Variants in CENPP observed in about 807,000 individuals in gnomAD.
CENPP encodes the protein centromere protein P.
In CENPP, 24 loss-of-function variants were observed where a neutral mutation model predicts 35.6. The observed-to-expected ratio is 0.67, with a 90% CI of 0.49 to 0.95. CENPP has a LOEUF of 0.95. Ranked by LOEUF, CENPP falls within the 40% of genes least tolerant of loss-of-function variation. CENPP has a pLI of 0.00. For synonymous variants in CENPP, 120 were observed against 125.5 expected, an observed-to-expected ratio of 0.96 and a Z score of 0.29; for missense variants, 332 against 345.3, an observed-to-expected ratio of 0.96 and a Z score of 0.31.
intron 5 of CENPP, among the ~76,000 whole-genome samples, chr9:92,540,369 C>G (rs1042125631): frequency 1.4e-5 from 2 of 146,976 alleles, no homozygotes; most frequent in African/African-American, 5.1e-5. Flanking sequence ...ACCCAGGCGG[C>G]AAAGGTCGCA....
intron 5 of CENPP, among the ~76,000 whole-genome samples, chr9:92,400,131 G>A (rs1843048244): frequency 6.6e-6 from 1 of 151,992 alleles, no homozygotes; most frequent in East Asian, 1.9e-4. Context: ...AAGAACAAGG[G>A]ATGTCTTTTG....
rs186553709 is a variant in CENPP, at chr9:92,354,880, C to T, written c.467+9093C>T. Among the ~76,000 whole-genome samples, 292 of 152,098 alleles carry T rather than the reference C, an allele frequency of 1.9e-3. 2 individuals carry two copies. The highest frequency in any genetic ancestry group is 6.8e-3 in the Middle Eastern group (2 of 294). ...GGGTGACGTCACATATCAGTAGGACCGTGATGCCTGCCTGAGTCTCAGACC... is the reference window on the plus strand; with the variant it reads ...GGGTGACGTCACATATCAGTAGGACTGTGATGCCTGCCTGAGTCTCAGACC... On this transcript the variant is annotated intron_variant, in intron 4 of 7. Transcript: ENST00000375587.
At chr9:92,522,222 G>A (rs903904939) in intron 5 of CENPP, among the ~76,000 whole-genome samples, 1 of 151,980 alleles carries the variant, frequency 6.6e-6, no homozygotes, top group African/African-American at 2.4e-5. Context: ...GAGTAGCTGG[G>A]ATTACAGGTA....
At position 92,617,467 on chromosome 9, in the gene CENPP, G is replaced by GCAC. The variant is rs1851477318; in HGVS notation, c.*4321_*4323dup. On this transcript the variant is annotated 3_prime_UTR_variant, in exon 8 of 8. Transcript: ENST00000375587. ...GGGAACCAATGGCAGTGACCAGCGG[G>GCAC]CACCAGCTCCTGACACAGAAATGCT... is the stretch of plus-strand genomic sequence containing the variant. 6.5e-6 allele frequency: 1 copy of GCAC among 152,814 alleles called. No homozygotes were observed. The allele number at this position is 152,814 out of a possible 1,614,324, so 9.5% of individuals were successfully genotyped here. A position where few individuals can be genotyped will look rare whatever the true frequency, so the allele number is the denominator to read the frequency against.
chr9:92,615,952 A>G lies in CENPP; in HGVS notation c.*2803A>G. 6.2e-7 allele frequency: 1 copy of G among 1,614,164 alleles called. No individual in the cohort carries two copies. Among genetic ancestry groups the G allele is most frequent in the South Asian group, 1.1e-5 (1 of 91,078 alleles). On this transcript the variant is annotated 3_prime_UTR_variant, in exon 8 of 8. Transcript: ENST00000375587. ...AGTTGACGATCTTGCCGTCCAGTTT[A>G]TACTGATGGGGAATGCTCTCGTAGG...
At chr9:92,359,630 C>T (rs933692586) in intron 4 of CENPP, among the ~76,000 whole-genome samples, 1 of 152,110 alleles carries the variant, frequency 6.6e-6, no homozygotes, top group African/African-American at 2.4e-5. Context: ...GAGCTCTGGC[C>T]TTTTAAGTCC....
intron 5 of CENPP, chr9:92,502,786 C>T (rs1846764093): frequency 1.5e-6 from 1 of 685,932 alleles, no homozygotes; most frequent in South Asian, 2.9e-5. Flanking sequence ...TTCAAGTAAG[C>T]TCATATTTTT....
intron 5 of CENPP, among the ~76,000 whole-genome samples, chr9:92,552,210 CA>C (rs1564000438): frequency 2.7e-5 from 4 of 150,596 alleles, no homozygotes; most frequent in African/African-American, 9.8e-5. Flanking sequence ...CACACACACA[CA>C]CACACCCCAC....
intron 5 of CENPP, among the ~76,000 whole-genome samples, chr9:92,592,109 A>G (rs933356892): frequency 6.6e-6 from 1 of 152,178 alleles, no homozygotes; most frequent in African/African-American, 2.4e-5. Flanking sequence ...GTATAAATGT[A>G]TACACTTATA....
At chr9:92,349,429 G>C (rs1841388034) in intron 4 of CENPP, among the ~76,000 whole-genome samples, 1 of 149,660 alleles carries the variant, frequency 6.7e-6, no homozygotes, top group Non-Finnish European at 1.5e-5. Context: ...TTTTGAGACG[G>C]AGTCTCGCCC....
At chr9:92,532,155 C>T (rs1391947593) in intron 5 of CENPP, among the ~76,000 whole-genome samples, 1 of 150,998 alleles carries the variant, frequency 6.6e-6, no homozygotes, top group Non-Finnish European at 1.5e-5. Flanking sequence ...ACTACCACAC[C>T]CGGCTCGAAG....
At chr9:92,478,246 G>A (rs1193836627) in intron 5 of CENPP, among the ~76,000 whole-genome samples, 3 of 151,946 alleles carry the variant, frequency 2.0e-5, no homozygotes, top group Admixed American at 6.6e-5. Flanking sequence ...GGTAGGAATT[G>A]GTGTAATCAA....
chr9:92,445,621 C>T (rs764852260), intron 5 of CENPP, among the ~76,000 whole-genome samples: 4 of 152,132 alleles, frequency 2.6e-5, no homozygotes, highest in Non-Finnish European at 4.4e-5. Flanking sequence ...TGGTAGCTCA[C>T]GCCTGTAATC....
chr9:92,502,213 G>A (rs113245201), intron 5 of CENPP, among the ~76,000 whole-genome samples: 5,869 of 152,228 alleles, frequency 0.039, 144 homozygotes, highest in Middle Eastern at 0.075. Context: ...GACAGCTGGG[G>A]CTCAGTTCTT....
intron 5 of CENPP, among the ~76,000 whole-genome samples, chr9:92,537,280 G>T (rs1489195935): frequency 6.6e-6 from 1 of 152,132 alleles, no homozygotes; most frequent in Non-Finnish European, 1.5e-5. Flanking sequence ...TTTGTAAAAT[G>T]ACCTAGATAG....
rs377339429 is a variant in CENPP at position 92,549,646 on chromosome 9, C to CAAAA, written c.565-61659_565-61656dup. Among the ~76,000 whole-genome samples the CAAAA allele has an allele frequency of 1.0e-3, 95 of 90,572 alleles. 1 individual carries two copies. Among genetic ancestry groups the CAAAA allele is most frequent in the African/African-American group, 5.4e-3 (81 of 14,926 alleles). 59.4% of individuals were successfully genotyped at this position (90,572 alleles called of 152,430 possible). On this transcript the variant is annotated intron_variant, in intron 5 of 7. Coordinates refer to ENST00000375587, the MANE Select transcript of CENPP (RefSeq NM_001012267.3). ...TGAGTGGGAGAGCATGACTCCGTCT[C>CAAAA]AAAAAAAAAAAACAAAACAAAACAA...
intron 5 of CENPP, among the ~76,000 whole-genome samples, chr9:92,398,025 C>T (rs186696632): frequency 7.9e-5 from 12 of 152,178 alleles, no homozygotes; most frequent in African/African-American, 1.2e-4. Flanking sequence ...TCTGACAGTG[C>T]GGAACCTGGC....
At chr9:92,454,297 G>GT (rs1389155274) in intron 5 of CENPP, among the ~76,000 whole-genome samples, 1 of 152,126 alleles carries the variant, frequency 6.6e-6, no homozygotes, top group Non-Finnish European at 1.5e-5. Flanking sequence ...ATCATTTCCA[G>GT]TATTTTAAAA....
At position 92,560,748 on chromosome 9, in the gene CENPP, A is replaced by T. The variant is rs1005203045; in HGVS notation, c.565-50566A>T. ...ACATGCCTCCATGTATTCACCTTCCATTTATTCCTTATTCTTATTCTACCA... is the reference window on the plus strand; with the variant it reads ...ACATGCCTCCATGTATTCACCTTCCTTTTATTCCTTATTCTTATTCTACCA... On this transcript the variant is annotated intron_variant, in intron 5 of 7. Transcript: ENST00000375587. 6.0e-4 allele frequency among the ~76,000 whole-genome samples: 91 copies of T among 151,582 alleles called. 1 individual carries two copies. Among genetic ancestry groups the T allele is most frequent in the Non-Finnish European group, 2.2e-4 (15 of 67,952 alleles).
Sources: allele counts gnomAD v4.1 joint callset (sites outside exome capture counted in the v4.1 genomes callset), GRCh38; gene constraint gnomAD v4.1.1; transcripts MANE v1.5; gene names NCBI Gene and HGNC (gene_info 2026-07-23, HGNC 2026-07-21).